MOGS: variants seen among roughly 807,000 people sequenced by gnomAD.
MOGS encodes mannosyl-oligosaccharide glucosidase.
Under a neutral mutation model 68.5 loss-of-function variants are expected in MOGS, and 45 were observed. That is an observed-to-expected ratio of 0.66 (90% CI 0.52 to 0.84). The LOEUF is 0.84. Among genes scored for constraint, MOGS ranks in the 40% least tolerant of loss-of-function variants. The probability of loss-of-function intolerance (pLI) is 0.00; values close to 1 mark genes in which losing one functional copy is unlikely to be tolerated. For synonymous variants in MOGS, 492 were observed against 461.2 expected (o/e 1.07, Z -0.86); for missense variants, 1,020 against 1,095.0 (o/e 0.93, Z 0.97).
In MOGS at chr2:74,461,893, G is replaced by A; in HGVS notation, c.1896C>T (p.Ala632=). ...CCAGGCTCTCTGCTGCCTCCAGTGA[G>A]GCAGCCAGTGGGCCCAGCTCAGCAG... The part of the protein sequence containing the change: ...EVAAELGPLA[A]SLEAAESLDE... Residue 632 remains alanine, a synonymous_variant, in exon 4 of 4, where the codon GCC becomes GCT. Transcript: ENST00000448666. The A allele has an allele frequency of 6.2e-7, 1 of 1,614,108 alleles. No homozygotes were observed. Among genetic ancestry groups the A allele is most frequent in the Non-Finnish European group, 8.5e-7 (1 of 1,180,024 alleles).
At position 74,463,009 on chromosome 2, in the gene MOGS, G is replaced by C. The variant is rs1671972588; in HGVS notation, c.780C>G (p.Tyr260Ter). The C allele has an allele frequency of 6.2e-7, 1 of 1,613,916 alleles. No homozygotes were observed. The highest frequency in any genetic ancestry group is 8.5e-7 in the Non-Finnish European group (1 of 1,180,048). The change falls in exon 4 of 4, where the codon TAC (tyrosine) becomes TAG (stop). Residue 260 changes from tyrosine to a stop codon, truncating the protein, a stop_gained. Transcript: ENST00000448666. LOFTEE classifies it high-confidence loss of function. ...PGDTAPKYGSYNVFWTSNPGL... is the reference protein window; with the variant it reads ...PGDTAPKYGS ...CTGGGTTGGAGGTCCAGAAGACATT[G>C]TAGCTTGAAGGGGAGAAGATAAATA...
rs755596992 is a variant in MOGS at position 74,464,679 on chromosome 2, C to G, written c.396G>C (p.Lys132Asn). Residue 132 changes from lysine to asparagine, a missense_variant, in exon 2 of 4, where the codon AAG (lysine) becomes AAC (asparagine). Physicochemically the swap from Lys to Asn is moderately conservative, Grantham distance 94. This residue lies in a region of MOGS where 569 missense variants were observed against 571.9 expected (regional missense o/e 0.99). Coordinates refer to ENST00000448666, the MANE Select transcript of MOGS (RefSeq NM_006302.3). ...AQQGTTPGTP[K>N]LRHTCEQGDG... ...CCCCCTGCTCACACGTGTGCCTGAG[C>G]TTAGGAGTCCCCGGGGTGGTGCCCT... The G allele has an allele frequency of 6.2e-7, 1 of 1,613,872 alleles. No homozygotes were observed. Among genetic ancestry groups the G allele is most frequent in the Non-Finnish European group, 8.5e-7 (1 of 1,179,900 alleles).
chr2:74,463,265 G>A lies in MOGS; in HGVS notation c.701C>T (p.Thr234Ile). 6.2e-7 allele frequency: 1 copy of A among 1,614,160 alleles called. No homozygotes were observed. Among genetic ancestry groups the A allele is most frequent in the Non-Finnish European group, 8.5e-7 (1 of 1,180,032 alleles). Reference protein sequence around the residue: ...KGQLKFISGHTSELGDFRFTL... With the variant: ...KGQLKFISGHISELGDFRFTL... ...AAAGCGGAAGTCACCAAGTTCACTG[G>A]TGTGCCCACTGATAAACTTCAACTG... The change falls in exon 3 of 4, where the codon ACC (threonine) becomes ATC (isoleucine). Residue 234 changes from threonine to isoleucine, a missense_variant. Coordinates refer to ENST00000448666, the MANE Select transcript of MOGS (RefSeq NM_006302.3).
chr2:74,462,088 A>G lies in MOGS; in HGVS notation c.1701T>C (p.Pro567=). The G allele has an allele frequency of 2.5e-6, 4 of 1,614,158 alleles. No homozygotes were observed. Among genetic ancestry groups the G allele is most frequent in the African/African-American group, 1.3e-5 (1 of 75,066 alleles). The stretch of plus-strand genomic sequence containing the variant: ...TGGGGTTCAGTAAGGTTGGTAAGGC[A>G]GGGTCCCGTCCCCGCCAGCGGTAAG... The part of the protein sequence containing the change: ...PLSYRWRGRD[P]ALPTLLNPKT... Residue 567 remains proline, a synonymous_variant, in exon 4 of 4, where the codon CCT becomes CCC. Coordinates refer to ENST00000448666, the MANE Select transcript of MOGS (RefSeq NM_006302.3).
In MOGS at chr2:74,461,267, C is replaced by G. The variant is rs988774165; in HGVS notation, c.*8G>C. The G allele has an allele frequency of 1.2e-6, 2 of 1,613,896 alleles. No individual in the cohort carries two copies. Among genetic ancestry groups the G allele is most frequent in the Non-Finnish European group, 1.7e-6 (2 of 1,180,030 alleles). On this transcript the variant is annotated 3_prime_UTR_variant, in exon 4 of 4. Coordinates refer to ENST00000448666, the MANE Select transcript of MOGS (RefSeq NM_006302.3). ...ATGAGTGTCTTGGCTCCCCTCCTCTCCCTCCCTTCAGTAGTCTTCAGCCAT... is the reference window on the plus strand; with the variant it reads ...ATGAGTGTCTTGGCTCCCCTCCTCTGCCTCCCTTCAGTAGTCTTCAGCCAT...
intron 2 of MOGS, 143 bp downstream of exon 2, chr2:74,464,353 G>T: frequency 1.4e-6 from 1 of 693,554 alleles, no homozygotes; most frequent in Non-Finnish European, 2.5e-6. Context: ...CTTAGAGATG[G>T]TAAATAGAAA....
rs779319482 is a variant in MOGS at position 74,464,692 on chromosome 2, G to A, written c.383C>T (p.Pro128Leu). 2.5e-6 allele frequency: 4 copies of A among 1,613,498 alleles called. No homozygotes were observed. In the Admixed American group the frequency reaches 5.0e-5, roughly 20 times the overall value. ...GLMWAQQGTT[P>L]GTPKLRHTCE... ...CGTGTGCCTGAGCTTAGGAGTCCCCGGGGTGGTGCCCTGCTGCGCCCACAT... is the reference window on the plus strand; with the variant it reads ...CGTGTGCCTGAGCTTAGGAGTCCCCAGGGTGGTGCCCTGCTGCGCCCACAT... The change falls in exon 2 of 4, where the codon CCG becomes CTG. Residue 128 changes from proline (P) to leucine (L), a missense_variant. Coordinates refer to ENST00000448666, the MANE Select transcript of MOGS (RefSeq NM_006302.3).
At chr2:74,463,961 C>CTT (rs796508949) in intron 2 of MOGS, among the ~76,000 whole-genome samples, 1 of 132,638 alleles carries the variant, frequency 7.5e-6, no homozygotes. Flanking sequence ...CCGCGCCTGG[C>CTT]TTTTTTTTTT....
chr2:74,463,408 A>C (rs1399074022), intron 2 of MOGS, 22 bp from the exon 3 acceptor site: 1 of 1,609,082 alleles, frequency 6.2e-7, no homozygotes, highest in Non-Finnish European at 8.5e-7. Flanking sequence ...ACGAGGACAG[A>C]AAAGAACAGT....
chr2:74,462,513 G>A lies in MOGS; in HGVS notation c.1276C>T (p.Pro426Ser), dbSNP rs1001503575. 1 of 1,607,744 alleles carries A rather than the reference G, an allele frequency of 6.2e-7. No homozygotes were observed. The highest frequency in any genetic ancestry group is 8.5e-7 in the Non-Finnish European group (1 of 1,175,802). ...GVEGSEQKVD[P>S]ALFPPVPLFT... ...AGAGGTACGGGTGGAAAGAGGGCTGGGTCCACCTTCTGCTCAGACCCTTCC... is the reference window on the plus strand; with the variant it reads ...AGAGGTACGGGTGGAAAGAGGGCTGAGTCCACCTTCTGCTCAGACCCTTCC... Residue 426 changes from proline to serine, a missense_variant, in exon 4 of 4, where the codon CCA (proline) becomes TCA (serine). This residue lies in a region of MOGS where 569 missense variants were observed against 571.9 expected (regional missense o/e 0.99). Transcript: ENST00000448666.
At chr2:74,464,803 T>C in intron 1 of MOGS, 81 bp from the exon 2 acceptor site, 1 of 1,560,156 alleles carries the variant, frequency 6.4e-7, no homozygotes, top group Non-Finnish European at 8.7e-7. Flanking sequence ...TTCATAACTC[T>C]CCTGATCCAT....
At position 74,462,552 on chromosome 2, in the gene MOGS, G is replaced by T. The variant is rs769463158; in HGVS notation, c.1237C>A (p.Pro413Thr). ...GYFYGQGLVL[P>T]DIGVEGSEQK... ...TCAGACCCTTCCACCCCGATGTCTG[G>T]CAATACCAGCCCTTGTCCGTAGAAG... The change falls in exon 4 of 4, where the codon CCA becomes ACA. Residue 413 changes from proline (P) to threonine (T), a missense_variant. Physicochemically the swap from Pro to Thr is conservative, Grantham distance 38. This residue lies in a region of MOGS where 569 missense variants were observed against 571.9 expected (regional missense o/e 0.99). Transcript: ENST00000448666. 1 of 1,611,192 alleles carries T rather than the reference G, an allele frequency of 6.2e-7. No individual in the cohort carries two copies. The highest frequency in any genetic ancestry group is 1.1e-5 in the South Asian group (1 of 90,992).
chr2:74,465,088 C>G lies in MOGS; in HGVS notation c.160G>C (p.Ala54Pro). The change falls in exon 1 of 4, where the codon GCC (alanine) becomes CCC (proline). Residue 54 changes from alanine to proline, a missense_variant. Physicochemically the swap from Ala to Pro is conservative, Grantham distance 27. This residue lies in a region of MOGS where 569 missense variants were observed against 571.9 expected (regional missense o/e 0.99). Coordinates refer to ENST00000448666, the MANE Select transcript of MOGS (RefSeq NM_006302.3). ...ACCCAGCGCCCCGACATACCCAGGG[C>G]CAAAGACAGGACCACGACGGCCAGA... ...VALAVVVLSL[A>P]LGMSGRWVLA... The G allele has an allele frequency of 6.4e-7, 1 of 1,554,710 alleles. No individual in the cohort carries two copies. The highest frequency in any genetic ancestry group is 8.7e-7 in the Non-Finnish European group (1 of 1,151,816).
In MOGS at chr2:74,461,985, A is replaced by G; in HGVS notation, c.1804T>C (p.Cys602Arg). 2.5e-6 allele frequency: 4 copies of G among 1,614,038 alleles called. No homozygotes were observed. Among genetic ancestry groups the G allele is most frequent in the South Asian group, 2.2e-5 (2 of 91,074 alleles). ...ACACGGGCACCCAGTGCCACCCAAC[A>G]TCGCAGGTCCAGGTGCCGCTCGGTT... ...SVTERHLDLRCWVALGARVLT... is the reference protein window; with the variant it reads ...SVTERHLDLRRWVALGARVLT... The change falls in exon 4 of 4, where the codon TGT becomes CGT. Residue 602 changes from cysteine (C) to arginine (R), a missense_variant. This residue lies in a region of MOGS where 181 missense variants were observed against 261.8 expected (regional missense o/e 0.69). Transcript: ENST00000448666.
At chr2:74,465,381 GCGCCTC>G (rs199957164) in exon 1 of MOGS, 1,331 of 460,130 alleles carry the variant, frequency 2.9e-3, 29 homozygotes, top group East Asian at 0.043. Flanking sequence ...GCCAGCGCCT[GCGCCTC>G]CGCCTCCGCC....
Position 74,461,918 on chromosome 2 carries a change from G to A in MOGS, c.1871C>T (p.Ala624Val). 1 of 1,614,094 alleles carries A rather than the reference G, an allele frequency of 6.2e-7. No homozygotes were observed. Among genetic ancestry groups the A allele is most frequent in the Non-Finnish European group, 8.5e-7 (1 of 1,180,020 alleles). The stretch of plus-strand genomic sequence containing the variant: ...GGCAGCCAGTGGGCCCAGCTCAGCA[G>A]CTACCTCAGCCTCACCCAGATGCTC... Reference protein sequence around the residue: ...LAEHLGEAEVAAELGPLAASL... With the variant: ...LAEHLGEAEVVAELGPLAASL... Residue 624 changes from alanine to valine, a missense_variant, in exon 4 of 4, where the codon GCT (alanine) becomes GTT (valine). This residue lies in a region of MOGS where 181 missense variants were observed against 261.8 expected (regional missense o/e 0.69). Transcript: ENST00000448666.
In MOGS at chr2:74,462,208, G is replaced by T. The variant is rs200508287; in HGVS notation, c.1581C>A (p.Asp527Glu). 1.9e-3 allele frequency: 3,066 copies of T among 1,614,164 alleles called. 11 individuals carry two copies. Among genetic ancestry groups the T allele is most frequent in the Admixed American group, 2.1e-3 (126 of 60,024 alleles). Residue 527 changes from aspartate to glutamate, a missense_variant, in exon 4 of 4, where the codon GAC becomes GAA. Physicochemically the swap from Asp to Glu is conservative, Grantham distance 45. Transcript: ENST00000448666. ...LPVAHMLEVG[D>E]PDDLAFLRKA... ...TTCGGAGGAAAGCCAAGTCGTCAGG[G>T]TCACCAACCTCTAGCATATGGGCTA...
rs1672042117 is a variant in MOGS at position 74,465,371 on chromosome 2, G to A, written c.-124C>T. The stretch of plus-strand genomic sequence containing the variant: ...ACCGTCCGGTTAGCGACACCTGCCA[G>A]CCAGCGCCTGCGCCTCCGCCTCCGC... On this transcript the variant is annotated 5_prime_UTR_variant, in exon 1 of 4. Coordinates refer to ENST00000448666, the MANE Select transcript of MOGS (RefSeq NM_006302.3). The A allele has an allele frequency of 2.1e-6, 1 of 470,554 alleles. No individual in the cohort carries two copies. Among genetic ancestry groups the A allele is most frequent in the East Asian group, 3.6e-5 (1 of 28,016 alleles). The allele number at this position is 470,554 out of a possible 1,614,324, so 29.1% of individuals were successfully genotyped here. A position where few individuals can be genotyped will look rare whatever the true frequency, so the allele number is the denominator to read the frequency against.
intron 1 of MOGS, 32 bp downstream of exon 1, chr2:74,464,864 C>G (rs1672019968): frequency 1.3e-6 from 2 of 1,592,494 alleles, no homozygotes; most frequent in Non-Finnish European, 1.7e-6. Context: ...GATTAGGAGT[C>G]CGCCTGCCTG....
Sources: gnomAD v4.1 joint callset for allele counts (sites outside exome capture counted in the v4.1 genomes callset) on GRCh38, gnomAD v4.1.1 for gene constraint, gnomAD v4.1.1 regional missense constraint, MANE v1.5 for transcripts, NCBI Gene and HGNC (gene_info 2026-07-23, HGNC 2026-07-21) for gene names.